The following SCN2B variants were observed in gnomAD, a reference collection of about 807,000 sequenced individuals.
SCN2B encodes sodium voltage-gated channel beta subunit 2.
In SCN2B, 14 loss-of-function variants were observed where a neutral mutation model predicts 18.2. The ratio of observed to expected loss-of-function variants is 0.77; its 90% CI spans 0.51 to 1.21. The LOEUF (loss-of-function observed/expected upper bound fraction) is 1.21, where lower values mean the gene tolerates loss of function less well. SCN2B is among the 50% of genes most tolerant of loss of function. The probability of loss-of-function intolerance (pLI) is 0.00; values close to 1 mark genes in which losing one functional copy is unlikely to be tolerated. For synonymous variants in SCN2B, 115 were observed against 115.3 expected, an observed-to-expected ratio of 1.00 and a Z score of 0.02; for missense variants, 262 against 286.9, an observed-to-expected ratio of 0.91 and a Z score of 0.63.
chr11:118,169,095 C>T (rs1393197613), intron 1 of SCN2B, among the ~76,000 whole-genome samples: 2 of 152,094 alleles, frequency 1.3e-5, no homozygotes, highest in African/African-American at 4.8e-5. Flanking sequence ...ACTCAGCCTC[C>T]CCAGTCCATA....
chr11:118,168,429 C>T lies in SCN2B; in HGVS notation c.238-134G>A, dbSNP rs895353294. The T allele has an allele frequency of 3.4e-5, 43 of 1,258,712 alleles. No individual in the cohort carries two copies. Among genetic ancestry groups the T allele is most frequent in the East Asian group, 9.3e-5 (4 of 43,072 alleles). 78.0% of individuals were successfully genotyped at this position (1,258,712 alleles called of 1,614,324 possible). ...GTTACCTCTGTGAGGCACCTGGATGCGCAGCACACCTTGTTTCAAGAGCCT... is the reference window on the plus strand; with the variant it reads ...GTTACCTCTGTGAGGCACCTGGATGTGCAGCACACCTTGTTTCAAGAGCCT... On this transcript the variant is annotated intron_variant, in intron 2 of 3. Coordinates refer to ENST00000278947, the MANE Select transcript of SCN2B (RefSeq NM_004588.5). The surrounding 1 kb of genome is among the most constrained non-coding windows in gnomAD (Gnocchi z 4.7).
At chr11:118,167,990 A>AG in intron 3 of SCN2B, 95 bp downstream of exon 3, 1 of 980,566 alleles carries the variant, frequency 1.0e-6, no homozygotes, top group Non-Finnish European at 1.6e-6. Context: ...CATCCTCAGG[A>AG]GGGCCTGGCC....
At chr11:118,174,407 C>T (rs1483878651) in intron 1 of SCN2B, among the ~76,000 whole-genome samples, 1 of 152,086 alleles carries the variant, frequency 6.6e-6, no homozygotes, top group African/African-American at 2.4e-5. Context: ...GCTGGTTGCC[C>T]ACCTGCCCTT....
In SCN2B at chr11:118,168,517, G is replaced by A; in HGVS notation, c.237+68C>T. The A allele has an allele frequency of 6.2e-7, 1 of 1,601,036 alleles. No individual in the cohort carries two copies. Among genetic ancestry groups the A allele is most frequent in the Non-Finnish European group, 8.6e-7 (1 of 1,168,744 alleles). ...TAGCGCAGTGCCGGGGCCGGTGGTG[G>A]GACCAGGGGCTTCATGCCATGGGGC... On this transcript the variant is annotated intron_variant, in intron 2 of 3. Transcript: ENST00000278947. The surrounding 1 kb of genome is among the most constrained non-coding windows in gnomAD (Gnocchi z 4.7).
chr11:118,166,686 C>G lies in SCN2B; in HGVS notation c.*201G>C. ...TCCCCAGGGCCCACACGTCCCAGAG[C>G]ATGGCAGGTTTCTCGGATGGAAGAG... On this transcript the variant is annotated 3_prime_UTR_variant, in exon 4 of 4. Coordinates refer to ENST00000278947, the MANE Select transcript of SCN2B (RefSeq NM_004588.5). 1 of 643,192 alleles carries G rather than the reference C, an allele frequency of 1.6e-6. No homozygotes were observed. Among genetic ancestry groups the G allele is most frequent in the Non-Finnish European group, 2.8e-6 (1 of 362,636 alleles). 39.8% of individuals were successfully genotyped at this position (643,192 alleles called of 1,614,324 possible).
At position 118,168,224 on chromosome 11, in the gene SCN2B, C is replaced by T. The variant is rs1386588554; in HGVS notation, c.309G>A (p.Gly103=). 4 of 1,614,188 alleles carry T rather than the reference C, an allele frequency of 2.5e-6. No homozygotes were observed. The highest frequency in any genetic ancestry group is 1.1e-5 in the South Asian group (1 of 91,082). Residue 103 remains glycine (G), a synonymous_variant, in exon 3 of 4, where the codon GGG becomes GGA. Coordinates refer to ENST00000278947, the MANE Select transcript of SCN2B (RefSeq NM_004588.5). This position sits in a 1 kb window ranked among gnomAD's most constrained non-coding sequence, Gnocchi z 4.7. Reference sequence around the variant, plus strand: ...CCGACACATCGTACTTGCTGGGGTTCCCTGAGAACTCCACGCGGTCTTGAA... The same window carrying T: ...CCGACACATCGTACTTGCTGGGGTTTCCTGAGAACTCCACGCGGTCTTGAA... The part of the protein sequence containing the change: ...ERFQDRVEFS[G]NPSKYDVSVM...
At chr11:118,169,065 G>T (rs761385066) in intron 1 of SCN2B, among the ~76,000 whole-genome samples, 2 of 152,098 alleles carry the variant, frequency 1.3e-5, no homozygotes, top group African/African-American at 4.8e-5. Flanking sequence ...ATTGGACTTC[G>T]TTCTTCCTGG....
Position 118,168,813 on chromosome 11 carries a change from C to T in SCN2B, c.71-62G>A, listed in dbSNP as rs895462660. 1.3e-6 allele frequency: 2 copies of T among 1,593,070 alleles called. No individual in the cohort carries two copies. Among genetic ancestry groups the T allele is most frequent in the African/African-American group, 2.7e-5 (2 of 74,444 alleles). On this transcript the variant is annotated intron_variant, in intron 1 of 3. Transcript: ENST00000278947. This position sits in a 1 kb window ranked among gnomAD's most constrained non-coding sequence, Gnocchi z 4.7. ...TGAAAGGGCTGGGGAGGGGCAAGCC[C>T]TCTGTGCCTGGGAGTGTTGGGGGAT...
chr11:118,169,212 A>G (rs896981019), intron 1 of SCN2B, among the ~76,000 whole-genome samples: 1 of 152,068 alleles, frequency 6.6e-6, no homozygotes, highest in African/African-American at 2.4e-5. Flanking sequence ...CACATCATCT[A>G]TATCTGTCAA....
chr11:118,170,359 C>T (rs766130468), intron 1 of SCN2B, among the ~76,000 whole-genome samples: 4 of 152,138 alleles, frequency 2.6e-5, no homozygotes, highest in East Asian at 1.9e-4. Flanking sequence ...TTGAGCGAGT[C>T]GAGTTCCCAG....
rs637523 is a variant in SCN2B at position 118,165,062 on chromosome 11, T to C, written c.*1825A>G. The stretch of plus-strand genomic sequence containing the variant: ...GGGGCATTTGCCAGCAGCTGTGCCC[T>C]TCACACTTGCTCCCTCCCTCCCTGC... On this transcript the variant is annotated 3_prime_UTR_variant, in exon 4 of 4. Coordinates refer to ENST00000278947, the MANE Select transcript of SCN2B (RefSeq NM_004588.5). 0.11 allele frequency: 17,055 copies of C among 152,808 alleles called. 3,156 individuals carry two copies. Among genetic ancestry groups the C allele is most frequent in the African/African-American group, 0.38 (15,955 of 41,452 alleles). The allele number at this position is 152,808 out of a possible 1,614,324, so 9.5% of individuals were successfully genotyped here.
chr11:118,166,969 T>G lies in SCN2B; in HGVS notation c.566A>C (p.Gln189Pro). ...CTTCAGGTCATCTGTGCTCAGCTTC[T>G]GCTCTTTTTTTCTCCTCACACACTT... ...VVKCVRRKKEQKLSTDDLKTE... is the reference protein window; with the variant it reads ...VVKCVRRKKEPKLSTDDLKTE... Residue 189 changes from glutamine (Q) to proline (P), a missense_variant, in exon 4 of 4, where the codon CAG becomes CCG. Transcript: ENST00000278947. 1 of 1,614,182 alleles carries G rather than the reference T, an allele frequency of 6.2e-7. No homozygotes were observed. Among genetic ancestry groups the G allele is most frequent in the Non-Finnish European group, 8.5e-7 (1 of 1,180,038 alleles).
rs1253848094 is a variant in SCN2B, at chr11:118,166,630, G to C, written c.*257C>G. The C allele has an allele frequency of 1.8e-5, 10 of 545,292 alleles. No homozygotes were observed. In the East Asian group the frequency reaches 2.2e-4, roughly 12 times the overall value. 33.8% of individuals were successfully genotyped at this position (545,292 alleles called of 1,614,324 possible). On this transcript the variant is annotated 3_prime_UTR_variant, in exon 4 of 4. Transcript: ENST00000278947. ...ACATGTGCCTCCTGCCTCCCCCCAG[G>C]GACTGGCAGGTGGGAGCCCTTTCTC...
rs670038 is a variant in SCN2B, at chr11:118,167,216, G to A, written c.449-130C>T. 28,483 of 975,616 alleles carry A rather than the reference G, an allele frequency of 0.029. 4,679 individuals carry two copies. The African/African-American group carries it at 0.39, about 13-fold the overall frequency. 60.4% of individuals were successfully genotyped at this position (975,616 alleles called of 1,614,324 possible). A position where few individuals can be genotyped will look rare whatever the true frequency, so the allele number is the denominator to read the frequency against. Reference sequence around the variant, plus strand: ...CCACAGACAGGACTTTAGCAAAGCCGAAAAGCAATCCAGTGACTGACCCTG... The same window carrying A: ...CCACAGACAGGACTTTAGCAAAGCCAAAAAGCAATCCAGTGACTGACCCTG... On this transcript the variant is annotated intron_variant, in intron 3 of 3. Coordinates refer to ENST00000278947, the MANE Select transcript of SCN2B (RefSeq NM_004588.5).
At chr11:118,174,091 C>CTTTTTTTTTTTTTTTTT (rs1162918445) in intron 1 of SCN2B, among the ~76,000 whole-genome samples, 3 of 66,662 alleles carry the variant, frequency 4.5e-5, no homozygotes, top group African/African-American at 6.4e-5. Flanking sequence ...TTTTTCTTTT[C>CTTTTTTTTTTTTTTTTT]TTTTTTTTTT....
At chr11:118,176,255 G>C in intron 1 of SCN2B, 107 bp downstream of exon 1, 1 of 1,079,428 alleles carries the variant, frequency 9.3e-7, no homozygotes, top group Non-Finnish European at 1.4e-6. Flanking sequence ...CAAGGACACA[G>C]AGGGAAAGCG....
Position 118,167,080 on chromosome 11 carries a change from G to C in SCN2B, c.455C>G (p.Pro152Arg). Residue 152 changes from proline (P) to arginine (R), a missense_variant, in exon 4 of 4, where the codon CCT (proline) becomes CGT (arginine). Pro to Arg is a moderately radical substitution (Grantham distance 103, BLOSUM62 -2). Transcript: ENST00000278947. ...IHLQVLMEEP[P>R]ERDSTVAVIV... is the part of the protein sequence containing the mutation. Reference sequence around the variant, plus strand: ...CACGGCCACCGTGGAGTCCCGCTCAGGGGGCTCTGGAAAGGAAGCAGAGCC... The same window carrying C: ...CACGGCCACCGTGGAGTCCCGCTCACGGGGCTCTGGAAAGGAAGCAGAGCC... 6.2e-7 allele frequency: 1 copy of C among 1,611,638 alleles called. No individual in the cohort carries two copies. Among genetic ancestry groups the C allele is most frequent in the Non-Finnish European group, 8.5e-7 (1 of 1,179,942 alleles).
chr11:118,165,197 G>C lies in SCN2B; in HGVS notation c.*1690C>G, dbSNP rs993022923. The C allele has an allele frequency of 6.6e-6, 1 of 152,604 alleles. No individual in the cohort carries two copies. The highest frequency in any genetic ancestry group is 2.4e-5 in the African/African-American group (1 of 41,452). The allele number at this position is 152,604 out of a possible 1,614,324, so 9.5% of individuals were successfully genotyped here. ...GCCCCATCATAGACCAGGACACAGA[G>C]GCCCCTCCCACTGGGAAAATGATGG... On this transcript the variant is annotated 3_prime_UTR_variant, in exon 4 of 4. Coordinates refer to ENST00000278947, the MANE Select transcript of SCN2B (RefSeq NM_004588.5).
rs1565464826 is a variant in SCN2B, at chr11:118,174,096, T to TTGTTG, written c.70+2265_70+2266insCAACA. On this transcript the variant is annotated intron_variant, in intron 1 of 3. Transcript: ENST00000278947. ...GCCTGGCTTATTTTTCTTTTCTTTT[T>TTGTTG]TTTTTTTTTTTTTTTTTTTTTTTTG... Among the ~76,000 whole-genome samples the TTGTTG allele has an allele frequency of 9.2e-5, 8 of 87,222 alleles. No homozygotes were observed. In the African/African-American group the frequency reaches 1.0e-3, roughly 11 times the overall value. 57.2% of individuals were successfully genotyped at this position (87,222 alleles called of 152,430 possible).
Sources: gnomAD v4.1 joint callset for allele counts (sites outside exome capture counted in the v4.1 genomes callset) on GRCh38, gnomAD v4.1.1 for gene constraint, Gnocchi (gnomAD v3.1) non-coding constraint, MANE v1.5 for transcripts, NCBI Gene and HGNC (gene_info 2026-07-23, HGNC 2026-07-21) for gene names.